POU2F1: variants seen among roughly 807,000 people sequenced by gnomAD.
POU2F1 encodes the protein POU domain, class 2, transcription factor 1.
POU2F1 carries 16 observed loss-of-function variants against 84.9 expected under a neutral mutation model. The observed-to-expected ratio is 0.19, with a 90% CI of 0.13 to 0.29. The LOEUF is 0.29. POU2F1 is among the 10% of genes least tolerant of loss of function. The pLI is 1.00. For missense variants in POU2F1, 738 were observed against 942.6 expected, an observed-to-expected ratio of 0.78 and a Z score of 2.84; for synonymous variants, 368 against 368.3, an observed-to-expected ratio of 1.00 and a Z score of 0.01.
At chr1:167,336,356 C>G (rs1657444179) in intron 2 of POU2F1, among the ~76,000 whole-genome samples, 1 of 152,192 alleles carries the variant, frequency 6.6e-6, no homozygotes, top group South Asian at 2.1e-4. Flanking sequence ...AATCATGTCA[C>G]AGTGAACAGT....
chr1:167,254,049 C>A (rs905057408), intron 1 of POU2F1, among the ~76,000 whole-genome samples: 4 of 152,154 alleles, frequency 2.6e-5, no homozygotes, highest in African/African-American at 9.7e-5. Flanking sequence ...CAAAATATTT[C>A]AGACTCCTGT....
intron 2 of POU2F1, among the ~76,000 whole-genome samples, chr1:167,350,867 G>A (rs372400912): frequency 9.4e-4 from 142 of 151,416 alleles, no homozygotes; most frequent in African/African-American, 3.1e-3. Context: ...GCGTGGTGGC[G>A]CATGCCTGTA....
At position 167,253,776 on chromosome 1, in the gene POU2F1, C is replaced by G. The variant is rs148467677; in HGVS notation, c.61+32818C>G. 3.8e-3 allele frequency among the ~76,000 whole-genome samples: 578 copies of G among 152,126 alleles called. 3 individuals are homozygous for G. Among genetic ancestry groups the G allele is most frequent in the African/African-American group, 0.013 (556 of 41,504 alleles). The stretch of plus-strand genomic sequence containing the variant: ...AAAGTTTATCTTAGGTCCTCCTTCC[C>G]CCATACCCCATTTTAATTTGGTGCC... On this transcript the variant is annotated intron_variant, in intron 1 of 15. Transcript: ENST00000367866.
At chr1:167,336,035 GAT>G (rs1571322193) in intron 2 of POU2F1, among the ~76,000 whole-genome samples, 1 of 152,026 alleles carries the variant, frequency 6.6e-6, no homozygotes, top group African/African-American at 2.4e-5. Flanking sequence ...AAAATTAAAA[GAT>G]ATGTAATGAA....
At chr1:167,244,354 A>G (rs548082873) in intron 1 of POU2F1, among the ~76,000 whole-genome samples, 1 of 152,130 alleles carries the variant, frequency 6.6e-6, no homozygotes, top group African/African-American at 2.4e-5. Context: ...TGTTGACTGG[A>G]CTCAGTTCCT....
chr1:167,306,122 T>C (rs992876753), intron 1 of POU2F1, among the ~76,000 whole-genome samples: 1 of 152,220 alleles, frequency 6.6e-6, no homozygotes, highest in Non-Finnish European at 1.5e-5. Flanking sequence ...GTTGATTGTT[T>C]CCAGTCTCTG....
chr1:167,233,303 AT>A (rs371350367), intron 1 of POU2F1, among the ~76,000 whole-genome samples: 212 of 141,044 alleles, frequency 1.5e-3, no homozygotes, highest in Middle Eastern at 7.2e-3. Flanking sequence ...TGCCCAGCTA[AT>A]TTTTTTTTTT....
At chr1:167,253,376 GCCC>G (rs57789204) in intron 1 of POU2F1, among the ~76,000 whole-genome samples, 7 of 121,500 alleles carry the variant, frequency 5.8e-5, no homozygotes, top group African/African-American at 1.2e-4. Context: ...TTATTTTTCT[GCCC>G]CCCCCCCCCC....
intron 13 of POU2F1, among the ~76,000 whole-genome samples, chr1:167,409,018 G>C (rs112124464): frequency 3.3e-5 from 5 of 152,274 alleles, no homozygotes; most frequent in African/African-American, 1.2e-4. Flanking sequence ...AAGCGCAAAA[G>C]ATTTTACTTT....
intron 1 of POU2F1, among the ~76,000 whole-genome samples, chr1:167,269,656 T>C (rs994392435): frequency 1.3e-5 from 2 of 152,232 alleles, no homozygotes; most frequent in Non-Finnish European, 2.9e-5. Context: ...CTCACGCCTA[T>C]AATCCCAGCA....
At chr1:167,252,599 A>T (rs140834786) in intron 1 of POU2F1, among the ~76,000 whole-genome samples, 146 of 152,352 alleles carry the variant, frequency 9.6e-4, no homozygotes, top group African/African-American at 3.5e-3. Context: ...AACACAAACC[A>T]ATTAATATCT....
At chr1:167,401,130 G>A (rs1487893105) in intron 12 of POU2F1, among the ~76,000 whole-genome samples, 1 of 152,004 alleles carries the variant, frequency 6.6e-6, no homozygotes, top group African/African-American at 2.4e-5. Context: ...AAAAGTAAAA[G>A]TAATACATGT....
chr1:167,415,343 A>G (rs758833307), intron 15 of POU2F1, among the ~76,000 whole-genome samples, 157 bp from the exon 16 acceptor site: 13 of 152,178 alleles, frequency 8.5e-5, no homozygotes, highest in Admixed American at 3.3e-4. Context: ...ATTGGTATCA[A>G]TATAGCACTG....
chr1:167,360,023 G>GT (rs34080479), intron 2 of POU2F1, among the ~76,000 whole-genome samples: 16 of 151,170 alleles, frequency 1.1e-4, no homozygotes, highest in African/African-American at 3.9e-4. Flanking sequence ...TTTTAATGAA[G>GT]TTTTTTTTCT....
At chr1:167,221,786 CG>C (rs1266657836) in intron 1 of POU2F1, among the ~76,000 whole-genome samples, 3 of 150,964 alleles carry the variant, frequency 2.0e-5, no homozygotes, top group Non-Finnish European at 4.4e-5. Flanking sequence ...CCTGGGGCGG[CG>C]GGGGTGGGGA....
At chr1:167,309,563 A>G (rs1220444958) in intron 1 of POU2F1, among the ~76,000 whole-genome samples, 1 of 152,154 alleles carries the variant, frequency 6.6e-6, no homozygotes, top group Non-Finnish European at 1.5e-5. Context: ...TTTGGACTGA[A>G]TTATGAAAAA....
chr1:167,344,939 A>T (rs964492203), intron 2 of POU2F1, among the ~76,000 whole-genome samples: 4 of 152,204 alleles, frequency 2.6e-5, no homozygotes, highest in Admixed American at 2.6e-4. Context: ...GGAAGCCGTC[A>T]TCCTCAGCAA....
At chr1:167,287,966 A>T (rs930518881) in intron 1 of POU2F1, among the ~76,000 whole-genome samples, 2 of 152,252 alleles carry the variant, frequency 1.3e-5, no homozygotes, top group Non-Finnish European at 2.9e-5. Flanking sequence ...AAGCCTAAAG[A>T]CGATCAAGTT....
chr1:167,347,443 G>T (rs940067310), intron 2 of POU2F1, among the ~76,000 whole-genome samples: 3 of 152,138 alleles, frequency 2.0e-5, no homozygotes, highest in African/African-American at 7.2e-5. Flanking sequence ...ATACAGACGA[G>T]GCTGGCTGCT....
Sources: allele counts gnomAD v4.1 joint callset (sites outside exome capture counted in the v4.1 genomes callset), GRCh38; gene constraint gnomAD v4.1.1; transcripts MANE v1.5; gene names NCBI Gene and HGNC (gene_info 2026-07-23, HGNC 2026-07-21).